Variants in CTNNA3 observed in about 807,000 individuals in gnomAD.
CTNNA3 encodes catenin alpha 3, also known as catenin alpha-3.
In CTNNA3, 76 loss-of-function variants were observed where a neutral mutation model predicts 95.7. That is an observed-to-expected ratio of 0.79 (90% CI 0.66 to 0.96). CTNNA3 has a LOEUF of 0.96. Among genes scored for constraint, CTNNA3 ranks in the 40% least tolerant of loss-of-function variants. CTNNA3 has a pLI of 0.00. For synonymous variants in CTNNA3, 431 were observed against 374.4 expected (o/e 1.15, Z -1.74); for missense variants, 1,191 against 1,089.8 (o/e 1.09, Z -1.31).
At chr10:65,971,134 T>A (rs2078091849) in intron 16 of CTNNA3, among the ~76,000 whole-genome samples, 1 of 151,742 alleles carries the variant, frequency 6.6e-6, no homozygotes, top group African/African-American at 2.4e-5. Flanking sequence ...AGACACAACA[T>A]ATAAAAATCT....
In CTNNA3 at chr10:66,077,984, G is replaced by A. The variant is rs562510940; in HGVS notation, c.1978-8495C>T. Among the ~76,000 whole-genome samples the A allele has an allele frequency of 3.4e-4, 51 of 151,872 alleles. No homozygotes were observed. In the South Asian group the frequency reaches 0.01, roughly 30 times the overall value. On this transcript the variant is annotated intron_variant, in intron 14 of 17. Transcript: ENST00000433211. ...CACTAAAGAGTTTCTATTCCCAACA[G>A]TGAGGACCAACCCCAGGACTTCAGT...
intron 9 of CTNNA3, among the ~76,000 whole-genome samples, chr10:66,674,858 C>T (rs368815796): frequency 6.6e-6 from 1 of 152,108 alleles, no homozygotes; most frequent in Non-Finnish European, 1.5e-5. Flanking sequence ...GATTTATTCC[C>T]AGGTGCATAT....
intron 10 of CTNNA3, among the ~76,000 whole-genome samples, chr10:66,541,056 AAAAAAACCTGTT>A (rs1398411286): frequency 4.6e-5 from 7 of 152,126 alleles, no homozygotes; most frequent in Admixed American, 1.3e-4. Flanking sequence ...TCTCAAAAAG[AAAAAAACCTGTT>A]AATAATAATC....
chr10:67,741,335 TA>T (rs1373503060), intron 1 of CTNNA3, among the ~76,000 whole-genome samples: 6 of 109,052 alleles, frequency 5.5e-5, no homozygotes, highest in East Asian at 2.9e-4. Context: ...AAATAAAAAA[TA>T]AAAAAAGAAC....
At chr10:67,244,165 T>C (rs1461543931) in intron 5 of CTNNA3, among the ~76,000 whole-genome samples, 1 of 152,240 alleles carries the variant, frequency 6.6e-6, no homozygotes, top group African/African-American at 2.4e-5. Context: ...CTGACTAGGC[T>C]AAGTAGATTT....
chr10:65,938,892 T>C (rs2077383530), intron 17 of CTNNA3, among the ~76,000 whole-genome samples: 1 of 147,322 alleles, frequency 6.8e-6, no homozygotes, highest in Non-Finnish European at 1.5e-5. Flanking sequence ...GAGTTTTCCT[T>C]TTTTTTTTTC....
At chr10:67,465,283 C>A (rs936945064) in intron 5 of CTNNA3, among the ~76,000 whole-genome samples, 2 of 151,928 alleles carry the variant, frequency 1.3e-5, no homozygotes, top group Non-Finnish European at 2.9e-5. Flanking sequence ...ACAACAAAAC[C>A]ATTTTCAGCC....
chr10:66,042,720 T>C (rs1300790789), intron 15 of CTNNA3, among the ~76,000 whole-genome samples: 2 of 150,506 alleles, frequency 1.3e-5, no homozygotes, highest in African/African-American at 4.9e-5. Context: ...CCCAATATGG[T>C]GAAATCTTGT....
At chr10:66,017,490 T>C (rs2079116526) in intron 15 of CTNNA3, among the ~76,000 whole-genome samples, 3 of 152,104 alleles carry the variant, frequency 2.0e-5, no homozygotes, top group Admixed American at 1.3e-4. Flanking sequence ...ATCTGAAATA[T>C]TATTAATATT....
intron 17 of CTNNA3, among the ~76,000 whole-genome samples, chr10:65,954,526 C>A (rs898443584): frequency 6.6e-6 from 1 of 152,162 alleles, no homozygotes; most frequent in Non-Finnish European, 1.5e-5. Context: ...TTAGGTCTAA[C>A]ATTTAAGTCT....
intron 7 of CTNNA3, among the ~76,000 whole-genome samples, chr10:67,091,676 G>A (rs78466429): frequency 0.011 from 1,720 of 152,110 alleles, 20 homozygotes; most frequent in African/African-American, 0.037. Context: ...ACTTTGAGCC[G>A]AGATAGTGGT....
chr10:66,725,212 G>C (rs1030617665), intron 9 of CTNNA3, among the ~76,000 whole-genome samples: 24 of 152,046 alleles, frequency 1.6e-4, no homozygotes, highest in Non-Finnish European at 8.8e-5. Context: ...ATCTGTAGTT[G>C]GTTAAATACA....
intron 17 of CTNNA3, among the ~76,000 whole-genome samples, chr10:65,954,045 C>T (rs2077679064): frequency 6.6e-6 from 1 of 152,172 alleles, no homozygotes; most frequent in Non-Finnish European, 1.5e-5. Context: ...TCTCCAGCAC[C>T]TGTTGTTTCC....
chr10:66,073,436 T>C (rs2080482744), intron 14 of CTNNA3, among the ~76,000 whole-genome samples: 1 of 152,140 alleles, frequency 6.6e-6, no homozygotes, highest in Non-Finnish European at 1.5e-5. Flanking sequence ...TGTTCTCCTT[T>C]CCAATACTGT....
At chr10:66,885,094 C>T (rs1471135371) in intron 7 of CTNNA3, among the ~76,000 whole-genome samples, 1 of 152,116 alleles carries the variant, frequency 6.6e-6, no homozygotes, top group African/African-American at 2.4e-5. Flanking sequence ...TTACAATTTA[C>T]TCACTGGCAA....
chr10:67,670,015 CTG>C (rs1357261133), intron 1 of CTNNA3, among the ~76,000 whole-genome samples: 1 of 152,198 alleles, frequency 6.6e-6, no homozygotes, highest in Non-Finnish European at 1.5e-5. Flanking sequence ...TATTAATAAA[CTG>C]AGTATTTTTT....
rs1424189510 is a variant in CTNNA3, at chr10:66,520,723, G to C, written c.1425C>G (p.Val475=). 5 of 1,612,740 alleles carry C rather than the reference G, an allele frequency of 3.1e-6. No homozygotes were observed. The highest frequency in any genetic ancestry group is 2.5e-6 in the Non-Finnish European group (3 of 1,179,420). The change falls in exon 11 of 18, where the codon GTC becomes GTG. Residue 475 remains valine (V), a synonymous_variant. Coordinates refer to ENST00000433211, the MANE Select transcript of CTNNA3 (RefSeq NM_013266.4). ...GCTTGTACATTTCCATGGTGTTTTT[G>C]ACCGCTTGACTTTTGGGTCTTGCAG... ...ALAARPKSQA[V]KNTMEMYKRT...
intron 12 of CTNNA3, among the ~76,000 whole-genome samples, chr10:66,293,895 G>A (rs1279672454): frequency 6.6e-6 from 1 of 151,876 alleles, no homozygotes; most frequent in Non-Finnish European, 1.5e-5. Context: ...TTGAACTCCT[G>A]ACCTCGTGAT....
intron 1 of CTNNA3, among the ~76,000 whole-genome samples, chr10:67,689,304 T>A (rs1056064318): frequency 6.6e-6 from 1 of 152,146 alleles, no homozygotes; most frequent in Admixed American, 6.5e-5. Flanking sequence ...GGCCTGCTTG[T>A]CTGAAGAGGG....
Sources: allele counts gnomAD v4.1 joint callset (sites outside exome capture counted in the v4.1 genomes callset), GRCh38; gene constraint gnomAD v4.1.1; transcripts MANE v1.5; gene names NCBI Gene and HGNC (gene_info 2026-07-23, HGNC 2026-07-21).